The following RERE variants were observed in gnomAD, a reference collection of about 807,000 sequenced individuals.
RERE encodes arginine-glutamic acid dipeptide repeats protein.
In RERE, 40 loss-of-function variants were observed where a neutral mutation model predicts 146.1. The observed-to-expected ratio is 0.27, with a 90% CI of 0.21 to 0.36. The LOEUF (loss-of-function observed/expected upper bound fraction) is 0.36. Among genes scored for constraint, RERE ranks in the 10% least tolerant of loss-of-function variants. The pLI is 1.00. For missense variants in RERE, 1,933 were observed against 2,138.7 expected (o/e 0.90, Z 1.90); for synonymous variants, 1,003 against 866.0 (o/e 1.16, Z -2.78).
intron 12 of RERE, among the ~76,000 whole-genome samples, chr1:8,371,956 C>A (rs566561759): frequency 7.3e-4 from 111 of 152,312 alleles, no homozygotes; most frequent in South Asian, 2.5e-3. Flanking sequence ...TTCCAACAGG[C>A]CAACTTACCT....
chr1:8,476,460 T>C (rs1644758016), intron 10 of RERE, among the ~76,000 whole-genome samples: 1 of 151,874 alleles, frequency 6.6e-6, no homozygotes, highest in African/African-American at 2.4e-5. Flanking sequence ...GGCTAGGGGA[T>C]GAGGGTGGGT....
intron 3 of RERE, among the ~76,000 whole-genome samples, chr1:8,623,747 A>C (rs927659411): frequency 6.6e-6 from 1 of 152,220 alleles, no homozygotes; most frequent in African/African-American, 2.4e-5. Context: ...GAGAAAGTAC[A>C]GTAGCTATGT....
At position 8,556,484 on chromosome 1, in the gene RERE, G is replaced by A; in HGVS notation, c.716C>T (p.Ala239Val). 2.5e-6 allele frequency: 4 copies of A among 1,596,376 alleles called. No homozygotes were observed. Among genetic ancestry groups the A allele is most frequent in the Middle Eastern group, 1.7e-4 (1 of 6,038 alleles). Residue 239 changes from alanine to valine, a missense_variant, in exon 6 of 23, where the codon GCT becomes GTT. Around this residue, in one of 11 missense-constraint regions of RERE, gnomAD observed 37 missense variants for 46.6 expected, o/e 0.79. Transcript: ENST00000400908. ...ISDYVDTYHA[A>V]ALRGKCNISH... ...CGTCTCCAGTACTTACCTAAGGGCA[G>A]CAGCATGGTAAGTGTCAACGTAATC...
chr1:8,620,731 T>G (rs1419133335), intron 3 of RERE, among the ~76,000 whole-genome samples: 7 of 151,846 alleles, frequency 4.6e-5, no homozygotes, highest in Non-Finnish European at 1.0e-4. Context: ...CAACAATACT[T>G]CTTTCTCCTG....
chr1:8,363,872 A>T (rs1020985907), intron 15 of RERE, 184 bp downstream of exon 15: 13 of 618,904 alleles, frequency 2.1e-5, no homozygotes, highest in Non-Finnish European at 8.5e-6. Flanking sequence ...GGGCCCCTCG[A>T]AGGAGAGAAC....
intron 4 of RERE, among the ~76,000 whole-genome samples, chr1:8,604,826 C>G (rs1234238385): frequency 6.6e-6 from 1 of 152,188 alleles, no homozygotes. Context: ...ACTGACCACA[C>G]AACAATTTCT....
intron 22 of RERE, 125 bp downstream of exon 22, chr1:8,355,294 G>A: frequency 8.4e-7 from 1 of 1,191,166 alleles, no homozygotes; most frequent in South Asian, 1.4e-5. Flanking sequence ...CCATCACCAT[G>A]GTTCCACAAT....
intron 1 of RERE, among the ~76,000 whole-genome samples, chr1:8,694,029 CA>C (rs144018056): frequency 0.027 from 3,208 of 120,530 alleles, 96 homozygotes; most frequent in African/African-American, 0.089. Context: ...TTTTCTTTCC[CA>C]AAAAAAAAAA....
intron 4 of RERE, among the ~76,000 whole-genome samples, chr1:8,581,499 A>G (rs866729163): frequency 2.0e-5 from 3 of 152,168 alleles, no homozygotes; most frequent in African/African-American, 7.2e-5. Flanking sequence ...AGTACTTTCT[A>G]TCCCCTCATT....
At chr1:8,478,957 T>C (rs984195243) in intron 10 of RERE, among the ~76,000 whole-genome samples, 2 of 152,214 alleles carry the variant, frequency 1.3e-5, no homozygotes, top group African/African-American at 4.8e-5. Flanking sequence ...TCTAAATAAA[T>C]ATCCTTATTC....
rs143882788 is a variant in RERE, at chr1:8,355,571, C to A, written c.4515G>T (p.Gly1505=). ...CTGCTGACATGGGGGGTGGGATGGC[C>A]CCAGGCAGGTCACGGGGGTAGGGGG... ...FGTPYPRDLP[G]AIPPPMSAAH... is the part of the protein sequence containing the mutation. Residue 1505 remains glycine, a synonymous_variant, in exon 22 of 23, where the codon GGG becomes GGT. Transcript: ENST00000400908. 1,419 of 1,599,088 alleles carry A rather than the reference C, an allele frequency of 8.9e-4. 2 individuals carry two copies. The highest frequency in any genetic ancestry group is 1.0e-3 in the Middle Eastern group (6 of 5,886).
chr1:8,794,676 T>C (rs966959417), intron 1 of RERE, among the ~76,000 whole-genome samples: 1 of 151,712 alleles, frequency 6.6e-6, no homozygotes, highest in Non-Finnish European at 1.5e-5. Context: ...GTGGGTGGAT[T>C]GCATAAGCCC....
chr1:8,584,384 A>C (rs1646402624), intron 4 of RERE, among the ~76,000 whole-genome samples: 3 of 152,118 alleles, frequency 2.0e-5, no homozygotes, highest in African/African-American at 7.2e-5. Context: ...ATCTCAACGA[A>C]AAATAAAAAA....
rs565962123 is a variant in RERE, at chr1:8,596,988, T to C, written c.522+17573A>G. On this transcript the variant is annotated intron_variant, in intron 4 of 22. Coordinates refer to ENST00000400908, the MANE Select transcript of RERE (RefSeq NM_001042681.2). The stretch of plus-strand genomic sequence containing the variant: ...AGGTCAAAAGCATTAACATGACAGA[T>C]GCCCAGGGCACGAGCCAATAAAAGG... Among the ~76,000 whole-genome samples the C allele has an allele frequency of 4.6e-5, 7 of 152,222 alleles. No homozygotes were observed. The South Asian group carries it at 1.2e-3, about 27-fold the overall frequency.
chr1:8,361,624 C>T (rs896244679), intron 17 of RERE, 134 bp from the exon 18 acceptor site: 18 of 1,377,744 alleles, frequency 1.3e-5, no homozygotes, highest in Non-Finnish European at 1.8e-5. Context: ...ACAGGTCGTG[C>T]CCTGACCCAG....
chr1:8,681,795 G>T (rs77863639), intron 1 of RERE, among the ~76,000 whole-genome samples: 3 of 152,128 alleles, frequency 2.0e-5, no homozygotes, highest in Non-Finnish European at 4.4e-5. Context: ...AAATAAAGAA[G>T]TTTAATCTTT....
chr1:8,590,551 C>T (rs970048952), intron 4 of RERE, among the ~76,000 whole-genome samples: 4 of 152,118 alleles, frequency 2.6e-5, no homozygotes, highest in East Asian at 1.9e-4. Context: ...AAATGCAGTG[C>T]GGCCCACCGG....
At chr1:8,765,212 T>C (rs755046584) in intron 1 of RERE, among the ~76,000 whole-genome samples, 1 of 152,252 alleles carries the variant, frequency 6.6e-6, no homozygotes, top group Non-Finnish European at 1.5e-5. Context: ...TGGGTGAACC[T>C]TGAAAACATT....
intron 7 of RERE, among the ~76,000 whole-genome samples, chr1:8,531,540 C>T (rs1247582664): frequency 5.3e-5 from 8 of 151,942 alleles, no homozygotes; most frequent in Non-Finnish European, 8.8e-5. Context: ...GAAAATTATA[C>T]TTTATTAATA....
Sources: allele counts gnomAD v4.1 joint callset (sites outside exome capture counted in the v4.1 genomes callset), GRCh38; gene constraint gnomAD v4.1.1; regional missense constraint gnomAD v4.1.1; transcripts MANE v1.5; gene names NCBI Gene and HGNC (gene_info 2026-07-23, HGNC 2026-07-21).